SLC38A4: variants seen among roughly 807,000 people sequenced by gnomAD.
SLC38A4 encodes solute carrier family 38 member 4, also known as sodium-coupled neutral amino acid transporter 4.
Under a neutral mutation model 63.1 loss-of-function variants are expected in SLC38A4, and 20 were observed. The observed-to-expected ratio is 0.32, with a 90% CI of 0.22 to 0.46. The LOEUF (loss-of-function observed/expected upper bound fraction) is 0.46, where lower values mean the gene tolerates loss of function less well. Among genes scored for constraint, SLC38A4 ranks in the 20% least tolerant of loss-of-function variants. SLC38A4 has a pLI of 1.00. For synonymous variants in SLC38A4, 230 were observed against 225.5 expected (o/e 1.02, Z -0.18); for missense variants, 526 against 663.6 (o/e 0.79, Z 2.28).
At chr12:46,792,624 A>G (rs1479557062) in intron 3 of SLC38A4, among the ~76,000 whole-genome samples, 2 of 152,116 alleles carry the variant, frequency 1.3e-5, no homozygotes, top group Non-Finnish European at 2.9e-5. Flanking sequence ...ACTTTTAGAG[A>G]GAAAAGAATC....
intron 3 of SLC38A4, among the ~76,000 whole-genome samples, chr12:46,789,914 T>C (rs1207490308): frequency 6.6e-6 from 1 of 152,002 alleles, no homozygotes; most frequent in African/African-American, 2.4e-5. Context: ...TCGTCTCTAC[T>C]AGAAATACAA....
intron 13 of SLC38A4, 42 bp downstream of exon 13, chr12:46,776,862 A>G: frequency 6.4e-7 from 1 of 1,567,826 alleles, no homozygotes; most frequent in South Asian, 1.1e-5. Context: ...GACCAGCCTA[A>G]CAAGGATTTG....
rs570384726 is a variant in SLC38A4 at position 46,766,741 on chromosome 12, A to G, written c.1604T>C (p.Ile535Thr). ...ATTTGGAGGATCATAAATCCAGTCA[A>G]TTATAATGAGTGCCATGCTTCCAAT... Reference protein sequence around the residue: ...FMIGSMALIIIDWIYDPPNSK... With the variant: ...FMIGSMALIITDWIYDPPNSK... Residue 535 changes from isoleucine to threonine, a missense_variant, in exon 17 of 17, where the codon ATT becomes ACT. By Grantham distance (89) the Ile-to-Thr change is moderately conservative (BLOSUM62 -1). Coordinates refer to ENST00000266579, the MANE Select transcript of SLC38A4 (RefSeq NM_018018.5). The G allele has an allele frequency of 3.2e-5, 52 of 1,612,334 alleles. 1 individual carries two copies. The South Asian group carries it at 5.6e-4, about 17-fold the overall frequency.
chr12:46,801,272 T>C (rs1565673360), intron 2 of SLC38A4, among the ~76,000 whole-genome samples: 1 of 152,112 alleles, frequency 6.6e-6, no homozygotes, highest in Admixed American at 6.6e-5. Flanking sequence ...AACATTGTAA[T>C]GTCTTGTTCT....
At chr12:46,779,527 C>A in intron 10 of SLC38A4, 84 bp downstream of exon 10, 1 of 1,078,486 alleles carries the variant, frequency 9.3e-7, no homozygotes. Context: ...TAGTGAAGTG[C>A]TTGAACAAAA....
intron 2 of SLC38A4, among the ~76,000 whole-genome samples, chr12:46,799,687 T>C (rs1429482535): frequency 6.6e-6 from 1 of 152,196 alleles, no homozygotes; most frequent in African/African-American, 2.4e-5. Context: ...CTGAAGATTA[T>C]ATCACTGATC....
At chr12:46,826,909 G>A (rs889537911), upstream of SLC38A4, among the ~76,000 whole-genome samples, 1 of 152,130 alleles carries the variant, frequency 6.6e-6, no homozygotes, top group East Asian at 1.9e-4. Flanking sequence ...ATGTTTATTT[G>A]AAGAATATTT....
chr12:46,783,784 G>A (rs1352829793), intron 7 of SLC38A4, among the ~76,000 whole-genome samples: 1 of 151,954 alleles, frequency 6.6e-6, no homozygotes, highest in East Asian at 1.9e-4. Context: ...AGGTGAGGGA[G>A]TAAGTGTCAT....
intron 16 of SLC38A4, 45 bp from the exon 17 acceptor site, chr12:46,766,847 A>G (rs987404822): frequency 7.3e-7 from 1 of 1,367,778 alleles, no homozygotes; most frequent in Non-Finnish European, 1.0e-6. Flanking sequence ...AACCATACTT[A>G]GTACAATTTG....
intron 3 of SLC38A4, among the ~76,000 whole-genome samples, chr12:46,789,960 C>G (rs1938850674): frequency 6.6e-6 from 1 of 152,036 alleles, no homozygotes; most frequent in African/African-American, 2.4e-5. Context: ...CGCCTGTAAT[C>G]CCAGCTACTC....
rs367984618 is a variant in SLC38A4 at position 46,787,992 on chromosome 12, G to T, written c.250C>A (p.Leu84Met). ...CCACTGCCCATGATGGCATTACTCA[G>T]GTTAAATGAAGACATTCCAAAGGAA... ...TTSFGMSSFN[L>M]SNAIMGSGIL... The change falls in exon 5 of 17, where the codon CTG becomes ATG. Residue 84 changes from leucine to methionine, a missense_variant. Coordinates refer to ENST00000266579, the MANE Select transcript of SLC38A4 (RefSeq NM_018018.5). The T allele has an allele frequency of 6.2e-7, 1 of 1,613,726 alleles. No homozygotes were observed. Among genetic ancestry groups the T allele is most frequent in the Non-Finnish European group, 8.5e-7 (1 of 1,179,818 alleles).
intron 1 of SLC38A4, among the ~76,000 whole-genome samples, chr12:46,804,948 T>C (rs2120871145): frequency 6.6e-6 from 1 of 152,122 alleles, no homozygotes; most frequent in African/African-American, 2.4e-5. Flanking sequence ...TTTCTTTCTG[T>C]TTGCAAAGTT....
At chr12:46,785,738 C>CTTTTT (rs11335369) in intron 5 of SLC38A4, among the ~76,000 whole-genome samples, 3 of 66,918 alleles carry the variant, frequency 4.5e-5, no homozygotes, top group African/African-American at 1.1e-4. Context: ...ACGAAAATTC[C>CTTTTT]TTTTTTTTTT....
chr12:46,783,609 A>G (rs1443392510), intron 7 of SLC38A4, among the ~76,000 whole-genome samples: 1 of 152,098 alleles, frequency 6.6e-6, no homozygotes, highest in East Asian at 1.9e-4. Flanking sequence ...TAAGAGATCA[A>G]ATGAACAGAC....
At chr12:46,800,051 T>C (rs1429664007) in intron 2 of SLC38A4, among the ~76,000 whole-genome samples, 2 of 152,156 alleles carry the variant, frequency 1.3e-5, no homozygotes, top group African/African-American at 4.8e-5. Flanking sequence ...AACACTGTAA[T>C]TGAAACATAA....
At chr12:46,781,394 A>C (rs1938635355) in intron 7 of SLC38A4, among the ~76,000 whole-genome samples, 1 of 152,062 alleles carries the variant, frequency 6.6e-6, no homozygotes, top group Admixed American at 6.6e-5. Flanking sequence ...GATATTTCTG[A>C]TTAGCTGGCT....
At position 46,778,507 on chromosome 12, in the gene SLC38A4, G is replaced by A. The variant is rs149210780; in HGVS notation, c.987C>T (p.Asn329=). 1.2e-6 allele frequency: 2 copies of A among 1,610,736 alleles called. No individual in the cohort carries two copies. The highest frequency in any genetic ancestry group is 1.7e-5 in the Admixed American group (1 of 59,806). Residue 329 remains asparagine, a synonymous_variant, in exon 11 of 17, where the codon AAC becomes AAT. Transcript: ENST00000266579. ...GCCCGGACCGCTCACTTACCCGGGA[G>A]TTGAATACAAAGTATTTGGGTTCAC... ...DKCEPKYFVF[N]SRTAYAIPIL...
rs751432962 is a variant in SLC38A4, at chr12:46,773,249, ACAAAG to A, written c.1299+1795_1299+1799del. 1.4e-3 allele frequency among the ~76,000 whole-genome samples: 210 copies of A among 152,006 alleles called. 1 individual carries two copies. Among genetic ancestry groups the A allele is most frequent in the Non-Finnish European group, 9.1e-4 (62 of 67,922 alleles). ...GAAAAGGCAGTTTATACATTTCAAG[ACAAAG>A]CAAGATTCATTTGAAGACCATTTTT... On this transcript the variant is annotated intron_variant, in intron 14 of 16. Coordinates refer to ENST00000266579, the MANE Select transcript of SLC38A4 (RefSeq NM_018018.5).
At chr12:46,776,848 CA>C in intron 13 of SLC38A4, 55 bp downstream of exon 13, 1 of 1,506,842 alleles carries the variant, frequency 6.6e-7, no homozygotes, top group Non-Finnish European at 9.2e-7. Context: ...CTACCCAGGT[CA>C]AGGACCAGCC....
Sources: gnomAD v4.1 joint callset for allele counts (sites outside exome capture counted in the v4.1 genomes callset) on GRCh38, gnomAD v4.1.1 for gene constraint, MANE v1.5 for transcripts, NCBI Gene and HGNC (gene_info 2026-07-23, HGNC 2026-07-21) for gene names.